WWP2: variants seen among roughly 807,000 people sequenced by gnomAD.
WWP2 encodes the protein WW domain containing E3 ubiquitin protein ligase 2.
In WWP2, 57 loss-of-function variants were observed where a neutral mutation model predicts 121.0. The observed-to-expected ratio is 0.47, with a 90% CI of 0.38 to 0.59. The LOEUF (loss-of-function observed/expected upper bound fraction) is 0.59. WWP2 is among the 20% of genes least tolerant of loss of function. The pLI, the probability that WWP2 is intolerant of heterozygous loss-of-function variation, is 0.00. For missense variants in WWP2, 962 were observed against 1,158.9 expected, an observed-to-expected ratio of 0.83 and a Z score of 2.47; for synonymous variants, 449 against 441.3, an observed-to-expected ratio of 1.02 and a Z score of -0.22.
chr16:69,870,200 G>T (rs552550957), intron 6 of WWP2, among the ~76,000 whole-genome samples: 1 of 152,002 alleles, frequency 6.6e-6, no homozygotes, highest in Non-Finnish European at 1.5e-5. Context: ...GAACATATAT[G>T]TAAATGCATA....
chr16:69,919,122 G>A (rs1255664082), intron 10 of WWP2, among the ~76,000 whole-genome samples: 1 of 152,080 alleles, frequency 6.6e-6, no homozygotes, highest in African/African-American at 2.4e-5. Context: ...GGGATTACAA[G>A]CATGAGCCAC....
intron 21 of WWP2, 98 bp from the exon 22 acceptor site, chr16:69,938,929 C>A: frequency 9.0e-7 from 1 of 1,113,732 alleles, no homozygotes; most frequent in Non-Finnish European, 1.3e-6. Flanking sequence ...TGTTCTCAGC[C>A]CCAAAGAGGG....
At chr16:69,924,591 G>GC (rs1280286110) in intron 10 of WWP2, among the ~76,000 whole-genome samples, 34 of 152,038 alleles carry the variant, frequency 2.2e-4, no homozygotes, top group East Asian at 7.8e-4. Context: ...TGGAGGGGGT[G>GC]TGGGGGGGAT....
intron 9 of WWP2, among the ~76,000 whole-genome samples, chr16:69,916,136 G>C (rs993653056): frequency 6.6e-6 from 1 of 152,092 alleles, no homozygotes; most frequent in African/African-American, 2.4e-5. Flanking sequence ...TGTGAGCCTT[G>C]TGTACTTACT....
intron 6 of WWP2, among the ~76,000 whole-genome samples, chr16:69,851,702 C>T (rs1292707018): frequency 6.6e-6 from 1 of 152,050 alleles, no homozygotes; most frequent in Non-Finnish European, 1.5e-5. Context: ...TCAACTCGGT[C>T]GGGAACGGTG....
intron 6 of WWP2, among the ~76,000 whole-genome samples, chr16:69,865,512 G>A (rs2057504992): frequency 6.6e-6 from 1 of 152,120 alleles, no homozygotes; most frequent in Admixed American, 6.5e-5. Context: ...CATTTCTAAA[G>A]GGGGGGTACC....
intron 4 of WWP2, among the ~76,000 whole-genome samples, chr16:69,809,776 AAG>A (rs1298238057): frequency 6.6e-6 from 1 of 151,132 alleles, no homozygotes; most frequent in African/African-American, 2.4e-5. Context: ...CAGAAAGAGA[AAG>A]AGAGAGAGAG....
At chr16:69,771,916 G>T (rs971964817) in intron 1 of WWP2, among the ~76,000 whole-genome samples, 80 of 143,942 alleles carry the variant, frequency 5.6e-4, no homozygotes, top group African/African-American at 2.0e-3. Flanking sequence ...TCTTGAGTTT[G>T]GTTTCACCTG....
intron 6 of WWP2, among the ~76,000 whole-genome samples, chr16:69,849,096 C>T (rs2362636): frequency 2.6e-3 from 394 of 152,310 alleles, no homozygotes; most frequent in Admixed American, 4.2e-3. Context: ...AATAGATCAT[C>T]AACTGTGTCT....
intron 7 of WWP2, among the ~76,000 whole-genome samples, chr16:69,876,525 C>G (rs770745843): frequency 4.0e-5 from 6 of 151,818 alleles, no homozygotes; most frequent in Admixed American, 2.6e-4. Flanking sequence ...CTACCACATC[C>G]GGCTAATTTT....
intron 6 of WWP2, among the ~76,000 whole-genome samples, chr16:69,848,658 A>G (rs895939965): frequency 2.6e-5 from 4 of 151,544 alleles, no homozygotes; most frequent in African/African-American, 9.7e-5. Flanking sequence ...AAAAAAAAAA[A>G]AAAGAAGCTA....
At chr16:69,766,275 T>C (rs1026790857) in intron 1 of WWP2, among the ~76,000 whole-genome samples, 2 of 152,138 alleles carry the variant, frequency 1.3e-5, no homozygotes, top group African/African-American at 4.8e-5. Context: ...CTGGCTGTAC[T>C]TCAGAGTACA....
rs769090874 is a variant in WWP2, at chr16:69,937,285, G to A, written c.2238+47G>A. On this transcript the variant is annotated intron_variant, in intron 20 of 23. Coordinates refer to ENST00000359154, the MANE Select transcript of WWP2 (RefSeq NM_001270454.2). The surrounding 1 kb of genome is among the most constrained non-coding windows in gnomAD (Gnocchi z 6.6). ...GACCCTGAGCCCCTGCCTCTGGGGC[G>A]ATCCTGCTCTGTGATACGCTCACTG... 2.2e-5 allele frequency: 35 copies of A among 1,606,002 alleles called. No homozygotes were observed. The Middle Eastern group carries it at 5.0e-4, about 23-fold the overall frequency.
chr16:69,909,764 TG>T, intron 9 of WWP2: 2 of 918,708 alleles, frequency 2.2e-6, no homozygotes, highest in Non-Finnish European at 2.6e-6. Context: ...ATTATGAAAA[TG>T]TTCTTATTAT....
Position 69,925,458 on chromosome 16 carries a change from C to T in WWP2, c.1208C>T (p.Pro403Leu), listed in dbSNP as rs1424717017. 6.2e-7 allele frequency: 1 copy of T among 1,613,924 alleles called. No individual in the cohort carries two copies. Among genetic ancestry groups the T allele is most frequent in the Non-Finnish European group, 8.5e-7 (1 of 1,179,974 alleles). The change falls in exon 11 of 24, where the codon CCC becomes CTC. Residue 403 changes from proline (P) to leucine (L), a missense_variant. By Grantham distance (98) the Pro-to-Leu change is moderately conservative (BLOSUM62 -3). Around this residue, in one of 3 missense-constraint regions of WWP2, gnomAD observed 606 missense variants for 772.6 expected, o/e 0.78. Transcript: ENST00000359154. This position sits in a 1 kb window ranked among gnomAD's most constrained non-coding sequence, Gnocchi z 4.0. ...TCGAGTGCTTCGACTGACCATGATCCCCTGGGCCCCCTCCCTCCTGGCTGG... is the reference window on the plus strand; with the variant it reads ...TCGAGTGCTTCGACTGACCATGATCTCCTGGGCCCCCTCCCTCCTGGCTGG... ...QSSSASTDHD[P>L]LGPLPPGWEK... is the part of the protein sequence containing the mutation.
At chr16:69,827,945 G>A (rs576912549) in intron 4 of WWP2, 18 of 454,516 alleles carry the variant, frequency 4.0e-5, no homozygotes, top group Non-Finnish European at 6.2e-5. Flanking sequence ...TTACCAAGAC[G>A]GATGAAATCT....
chr16:69,817,262 G>GT (rs1321632149), intron 4 of WWP2, among the ~76,000 whole-genome samples: 2 of 151,976 alleles, frequency 1.3e-5, no homozygotes, highest in African/African-American at 4.8e-5. Flanking sequence ...GTTTTGTTTT[G>GT]TTTTTTGAGA....
At chr16:69,846,131 G>A (rs901245952) in intron 6 of WWP2, among the ~76,000 whole-genome samples, 15 of 150,856 alleles carry the variant, frequency 9.9e-5, no homozygotes, top group Non-Finnish European at 1.8e-4. Flanking sequence ...CAATTCATGC[G>A]GCATACATTT....
At chr16:69,849,558 A>G (rs1486076351) in intron 6 of WWP2, among the ~76,000 whole-genome samples, 1 of 152,068 alleles carries the variant, frequency 6.6e-6, no homozygotes, top group Non-Finnish European at 1.5e-5. Flanking sequence ...CCCTGCTTGT[A>G]GGCAGGGCTT....
Sources: gnomAD v4.1 joint callset for allele counts (sites outside exome capture counted in the v4.1 genomes callset) on GRCh38, gnomAD v4.1.1 for gene constraint, gnomAD v4.1.1 regional missense constraint, Gnocchi (gnomAD v3.1) non-coding constraint, MANE v1.5 for transcripts, NCBI Gene and HGNC (gene_info 2026-07-23, HGNC 2026-07-21) for gene names.